TFDP2: variants seen among roughly 807,000 people sequenced by gnomAD.
TFDP2 encodes transcription factor Dp-2, also known as transcription factor Dp-2 (E2F dimerization partner 2).
Under a neutral mutation model 59.3 loss-of-function variants are expected in TFDP2, and 17 were observed. The ratio of observed to expected loss-of-function variants is 0.29; its 90% confidence interval spans 0.20 to 0.43. The LOEUF (loss-of-function observed/expected upper bound fraction) is 0.43, where lower values mean the gene tolerates loss of function less well. Among genes scored for constraint, TFDP2 ranks in the 20% least tolerant of loss-of-function variants. The pLI is 1.00. For missense variants in TFDP2, 391 were observed against 528.8 expected, an observed-to-expected ratio of 0.74 and a Z score of 2.56; for synonymous variants, 180 against 194.7, an observed-to-expected ratio of 0.92 and a Z score of 0.63.
At chr3:142,064,854 G>A (rs1025437761) in intron 3 of TFDP2, among the ~76,000 whole-genome samples, 1 of 152,144 alleles carries the variant, frequency 6.6e-6, no homozygotes, top group Non-Finnish European at 1.5e-5. Flanking sequence ...AAAAGATGTG[G>A]TAACCTTAGT....
chr3:142,024,479 A>C (rs1945906594), intron 3 of TFDP2, among the ~76,000 whole-genome samples: 1 of 152,180 alleles, frequency 6.6e-6, no homozygotes, highest in Non-Finnish European at 1.5e-5. Flanking sequence ...GGCATCAGGC[A>C]CATCTCCCCT....
At chr3:142,006,124 T>G (rs1944190301) in intron 3 of TFDP2, among the ~76,000 whole-genome samples, 1 of 152,182 alleles carries the variant, frequency 6.6e-6, no homozygotes, top group South Asian at 2.1e-4. Flanking sequence ...TGTACCGTGT[T>G]TTCAAGTGAT....
At chr3:141,990,345 G>C (rs1407705226) in intron 6 of TFDP2, among the ~76,000 whole-genome samples, 1 of 151,908 alleles carries the variant, frequency 6.6e-6, no homozygotes, top group East Asian at 1.9e-4. Context: ...TGTGATCTTG[G>C]CTCACTGCAG....
intron 1 of TFDP2, among the ~76,000 whole-genome samples, chr3:142,141,155 G>C (rs1014683814): frequency 1.3e-5 from 2 of 152,234 alleles, no homozygotes; most frequent in African/African-American, 4.8e-5. Flanking sequence ...AAGGCTCCAC[G>C]GATGTGGGGC....
At chr3:142,066,228 C>G (rs1387473351) in intron 3 of TFDP2, among the ~76,000 whole-genome samples, 1 of 152,134 alleles carries the variant, frequency 6.6e-6, no homozygotes, top group Non-Finnish European at 1.5e-5. Flanking sequence ...TTCCTGTTTC[C>G]AGGCTGTGAA....
chr3:141,994,583 A>G (rs796736452), intron 5 of TFDP2: 5 of 152,462 alleles, frequency 3.3e-5, no homozygotes, highest in African/African-American at 1.2e-4. Context: ...AGAAGAGGAA[A>G]TTTAATAAAA....
intron 8 of TFDP2, among the ~76,000 whole-genome samples, chr3:141,970,716 T>C (rs1939593563): frequency 6.6e-6 from 1 of 152,182 alleles, no homozygotes; most frequent in Admixed American, 6.5e-5. Context: ...TTATTTACAA[T>C]TCCAGCTTAG....
chr3:141,953,041 A>G (rs1244066817), intron 11 of TFDP2, 25 bp from the exon 12 acceptor site: 1 of 1,571,476 alleles, frequency 6.4e-7, no homozygotes, highest in East Asian at 2.2e-5. Context: ...GAGAACAAAA[A>G]ATGTCGGTCC....
At chr3:141,978,935 T>C (rs1172745992) in intron 6 of TFDP2, among the ~76,000 whole-genome samples, 1 of 152,326 alleles carries the variant, frequency 6.6e-6, no homozygotes, top group East Asian at 1.9e-4. Flanking sequence ...CCAGTTACTA[T>C]TCTATGCCGG....
rs1327992795 is a variant in TFDP2 at position 141,945,129 on chromosome 3, AC to A, written c.*7383del. On this transcript the variant is annotated 3_prime_UTR_variant, in exon 13 of 13. Coordinates refer to ENST00000489671, the MANE Select transcript of TFDP2 (RefSeq NM_001178139.2). ...TAGTGGTTTGGGCTCATGGCCCTTT[AC>A]CCACCTTTTTTTTTTGAGATGGAAT... 6.6e-6 allele frequency: 1 copy of A among 151,880 alleles called. No homozygotes were observed. The highest frequency in any genetic ancestry group is 1.5e-5 in the Non-Finnish European group (1 of 68,156). 9.4% of individuals were successfully genotyped at this position (151,880 alleles called of 1,614,324 possible). A position where few individuals can be genotyped will look rare whatever the true frequency, so the allele number is the denominator to read the frequency against.
chr3:142,138,044 A>G (rs528007694), intron 1 of TFDP2, among the ~76,000 whole-genome samples: 17 of 152,280 alleles, frequency 1.1e-4, no homozygotes, highest in African/African-American at 3.8e-4. Flanking sequence ...TATTGCCTCA[A>G]TTTCAGAGCC....
At chr3:142,085,715 A>G (rs940138914) in intron 3 of TFDP2, among the ~76,000 whole-genome samples, 26 of 152,320 alleles carry the variant, frequency 1.7e-4, no homozygotes, top group South Asian at 8.3e-4. Flanking sequence ...GTATGTGCAT[A>G]TAACGCCTCT....
At chr3:142,049,697 G>A (rs1195835852) in intron 3 of TFDP2, among the ~76,000 whole-genome samples, 2 of 152,146 alleles carry the variant, frequency 1.3e-5, no homozygotes, top group Non-Finnish European at 2.9e-5. Context: ...GGTCTATATG[G>A]AAAATCCTAT....
At chr3:142,075,734 G>GAA (rs530375441) in intron 3 of TFDP2, among the ~76,000 whole-genome samples, 468 of 45,510 alleles carry the variant, frequency 0.01, 32 homozygotes, top group African/African-American at 0.043. Flanking sequence ...TGTCTCTACA[G>GAA]AAAAAAAAAA....
In TFDP2 at chr3:141,969,011, G is replaced by GAT. The variant is rs557027371; in HGVS notation, c.732+1060_732+1061dup. Among the ~76,000 whole-genome samples the GAT allele has an allele frequency of 1.3e-4, 9 of 70,804 alleles. 1 individual carries two copies. The highest frequency in any genetic ancestry group is 3.1e-4 in the East Asian group (1 of 3,178). The allele number at this position is 70,804 out of a possible 152,430, so 46.5% of individuals were successfully genotyped here. A position where few individuals can be genotyped will look rare whatever the true frequency, so the allele number is the denominator to read the frequency against. On this transcript the variant is annotated intron_variant, in intron 9 of 12. Coordinates refer to ENST00000489671, the MANE Select transcript of TFDP2 (RefSeq NM_001178139.2). The stretch of plus-strand genomic sequence containing the variant: ...ATATAACATATATCTCATATATATA[G>GAT]ATATATATATAACATATATCTCATA...
At chr3:142,115,315 C>CT (rs906368574) in intron 1 of TFDP2, among the ~76,000 whole-genome samples, 1,836 of 130,966 alleles carry the variant, frequency 0.014, 25 homozygotes, top group African/African-American at 0.032. Flanking sequence ...CACGCATTTT[C>CT]TTTTTTTTTT....
intron 1 of TFDP2, among the ~76,000 whole-genome samples, chr3:142,148,846 G>GA (rs2063275577): frequency 6.6e-6 from 1 of 152,188 alleles, no homozygotes; most frequent in Non-Finnish European, 1.5e-5. Flanking sequence ...AAGGAGAAGG[G>GA]AAAAATCGGA....
intron 1 of TFDP2, among the ~76,000 whole-genome samples, chr3:142,127,456 A>G (rs563595197): frequency 2.0e-3 from 305 of 151,950 alleles, no homozygotes; most frequent in African/African-American, 7.2e-3. Flanking sequence ...ACAGGCGTGC[A>G]CCACTAGGCC....
chr3:142,139,332 G>A (rs918061687), intron 1 of TFDP2, among the ~76,000 whole-genome samples: 2 of 152,144 alleles, frequency 1.3e-5, no homozygotes, highest in Admixed American at 6.5e-5. Flanking sequence ...TTGCCAGTCT[G>A]TGTCTTTTAA....
Sources: gnomAD v4.1 joint callset for allele counts (sites outside exome capture counted in the v4.1 genomes callset) on GRCh38, gnomAD v4.1.1 for gene constraint, MANE v1.5 for transcripts, NCBI Gene and HGNC (gene_info 2026-07-23, HGNC 2026-07-21) for gene names.